Variants in ROBO2 observed in about 807,000 individuals in gnomAD.
ROBO2 encodes roundabout guidance receptor 2, also known as roundabout homolog 2.
A neutral mutation model predicts 160.8 loss-of-function variants in ROBO2; 53 were observed. The ratio of observed to expected loss-of-function variants is 0.33; its 90% CI spans 0.26 to 0.41. The LOEUF is 0.41. Ranked by LOEUF, ROBO2 falls within the 10% of genes least tolerant of loss-of-function variation. ROBO2 has a pLI of 1.00. For missense variants in ROBO2, 1,577 were observed against 1,722.4 expected, an observed-to-expected ratio of 0.92 and a Z score of 1.49; for synonymous variants, 664 against 611.7, an observed-to-expected ratio of 1.09 and a Z score of -1.26.
intron 2 of ROBO2, among the ~76,000 whole-genome samples, chr3:76,380,842 G>A (rs551105759): frequency 6.6e-6 from 1 of 152,224 alleles, no homozygotes; most frequent in East Asian, 1.9e-4. Flanking sequence ...AGAAAGGTAT[G>A]AGATAAAGTA....
intron 2 of ROBO2, among the ~76,000 whole-genome samples, chr3:77,231,115 A>G (rs1449556248): frequency 1.3e-5 from 2 of 152,110 alleles, no homozygotes; most frequent in African/African-American, 2.4e-5. Flanking sequence ...CTGTAATTCC[A>G]GCACTTTGGG....
chr3:77,568,477 C>T lies in ROBO2; in HGVS notation c.1971+43C>T, dbSNP rs377012933. On this transcript the variant is annotated intron_variant, in intron 13 of 25. Coordinates refer to ENST00000461745, the Ensembl canonical transcript of ROBO2. Reference sequence around the variant, plus strand: ...ATGTTAATAGTAATCTCTTCTCTTTCGGGAAAGCAAAACATGGAAAATGCA... The same window carrying T: ...ATGTTAATAGTAATCTCTTCTCTTTTGGGAAAGCAAAACATGGAAAATGCA... 1,090 of 1,609,792 alleles carry T rather than the reference C, an allele frequency of 6.8e-4. 1 individual carries two copies. Among genetic ancestry groups the T allele is most frequent in the Non-Finnish European group, 8.7e-4 (1,025 of 1,177,054 alleles).
At chr3:77,537,530 T>G (rs1235488261) in intron 6 of ROBO2, among the ~76,000 whole-genome samples, 1 of 152,192 alleles carries the variant, frequency 6.6e-6, no homozygotes, top group Non-Finnish European at 1.5e-5. Context: ...TCTCTTTGAT[T>G]ATTTTTTCAT....
chr3:76,750,009 G>C (rs927448713), intron 2 of ROBO2, among the ~76,000 whole-genome samples: 1 of 152,182 alleles, frequency 6.6e-6, no homozygotes, highest in Non-Finnish European at 1.5e-5. Context: ...GAGAATTTTA[G>C]ACCAATATCC....
At chr3:77,205,237 G>C (rs898943428) in intron 2 of ROBO2, among the ~76,000 whole-genome samples, 1 of 152,110 alleles carries the variant, frequency 6.6e-6, no homozygotes, top group Non-Finnish European at 1.5e-5. Context: ...ACATGGGCTT[G>C]AAGGATGAAT....
chr3:76,418,356 T>C (rs1481948070), intron 2 of ROBO2, among the ~76,000 whole-genome samples: 1 of 151,978 alleles, frequency 6.6e-6, no homozygotes. Flanking sequence ...TTCTCCTGCC[T>C]CAGCCTCCAG....
At chr3:76,683,475 A>AAC (rs1010510693) in intron 2 of ROBO2, among the ~76,000 whole-genome samples, 1 of 151,522 alleles carries the variant, frequency 6.6e-6, no homozygotes, top group African/African-American at 2.4e-5. Context: ...AAAAAAAAAA[A>AAC]AAAAACCTGG....
chr3:75,967,641 T>C (rs78085414), intron 2 of ROBO2, among the ~76,000 whole-genome samples: 4,617 of 151,684 alleles, frequency 0.03, 218 homozygotes, highest in African/African-American at 0.098. Context: ...GAAATAATAC[T>C]GTTAGAAGGC....
intron 2 of ROBO2, among the ~76,000 whole-genome samples, chr3:76,427,379 G>A (rs902075831): frequency 6.6e-6 from 1 of 152,100 alleles, no homozygotes; most frequent in African/African-American, 2.4e-5. Context: ...AGCTATCAAT[G>A]AAATGGTGAA....
chr3:76,804,021 C>T (rs369954680), intron 2 of ROBO2, among the ~76,000 whole-genome samples: 16 of 152,162 alleles, frequency 1.1e-4, no homozygotes, highest in South Asian at 2.1e-4. Flanking sequence ...GAGCTGCATT[C>T]GAGGCTTACG....
intron 2 of ROBO2, among the ~76,000 whole-genome samples, chr3:76,947,770 TTTG>T (rs917368287): frequency 7.2e-5 from 11 of 152,228 alleles, no homozygotes; most frequent in African/African-American, 2.7e-4. Context: ...GACTGGTTTT[TTTG>T]TTCTGTCGCC....
intron 2 of ROBO2, among the ~76,000 whole-genome samples, chr3:77,130,301 A>G (rs748190070): frequency 1.1e-4 from 16 of 152,182 alleles, no homozygotes; most frequent in Non-Finnish European, 2.1e-4. Context: ...GGCCAAATGC[A>G]TGGCTGTTGT....
chr3:76,164,713 T>C (rs2072759773), intron 2 of ROBO2, among the ~76,000 whole-genome samples: 1 of 152,174 alleles, frequency 6.6e-6, no homozygotes, highest in Admixed American at 6.5e-5. Context: ...CATCCAGGCT[T>C]TGTTGATCCA....
At chr3:77,572,067 A>G (rs2093651791) in intron 13 of ROBO2, among the ~76,000 whole-genome samples, 1 of 152,072 alleles carries the variant, frequency 6.6e-6, no homozygotes, top group African/African-American at 2.4e-5. Flanking sequence ...AAAACACTTA[A>G]TTAATGAAAA....
At chr3:75,929,172 CGT>C (rs35861088) in intron 1 of ROBO2, among the ~76,000 whole-genome samples, 43,761 of 113,314 alleles carry the variant, frequency 0.39, 9,651 homozygotes, top group Non-Finnish European at 0.46. Context: ...CTGGATAAGA[CGT>C]GTGTGTGTGT....
intron 2 of ROBO2, among the ~76,000 whole-genome samples, chr3:77,106,333 G>A (rs193096131): frequency 5.3e-5 from 8 of 152,218 alleles, no homozygotes; most frequent in Admixed American, 3.3e-4. Context: ...GTGAGCCACC[G>A]TGCCCGGCCT....
chr3:76,136,910 G>A (rs1026238491), intron 2 of ROBO2, among the ~76,000 whole-genome samples: 4 of 151,948 alleles, frequency 2.6e-5, no homozygotes, highest in Non-Finnish European at 4.4e-5. Context: ...TCCAAAGTCT[G>A]GAATGTAGGG....
At chr3:76,567,222 T>C (rs1469159721) in intron 2 of ROBO2, among the ~76,000 whole-genome samples, 2 of 152,184 alleles carry the variant, frequency 1.3e-5, no homozygotes, top group Non-Finnish European at 2.9e-5. Flanking sequence ...CAATCTTATA[T>C]TTCCTGAAAA....
At chr3:76,266,198 G>A (rs1707089733) in intron 2 of ROBO2, among the ~76,000 whole-genome samples, 1 of 151,998 alleles carries the variant, frequency 6.6e-6, no homozygotes, top group Non-Finnish European at 1.5e-5. Context: ...GCATCCCAGC[G>A]ATAAATCCCA....
Sources: gnomAD v4.1 joint callset for allele counts (sites outside exome capture counted in the v4.1 genomes callset) on GRCh38, gnomAD v4.1.1 for gene constraint, MANE v1.5 for transcripts, NCBI Gene and HGNC (gene_info 2026-07-23, HGNC 2026-07-21) for gene names.